The following MYO5B variants were observed in gnomAD, a reference collection of about 807,000 sequenced individuals.
MYO5B encodes unconventional myosin-Vb.
MYO5B carries 143 observed loss-of-function variants against 229.3 expected under a neutral mutation model. That is an observed-to-expected ratio of 0.62 (90% CI 0.54 to 0.72). The LOEUF (loss-of-function observed/expected upper bound fraction) is 0.72, where lower values mean the gene tolerates loss of function less well. Ranked by LOEUF, MYO5B falls within the 30% of genes least tolerant of loss-of-function variation. The pLI is 0.00. For synonymous variants in MYO5B, 918 were observed against 885.2 expected (o/e 1.04, Z -0.66); for missense variants, 2,321 against 2,331.0 (o/e 1.00, Z 0.09).
chr18:50,108,551 G>C lies in MYO5B; in HGVS notation c.28-53173C>G, dbSNP rs192516188. ...TGTACTGAAAATACCTGGGTACCCA[G>C]AGCAGAAACAGGCCAAGTTCTCCAG... On this transcript the variant is annotated intron_variant, in intron 1 of 39. Transcript: ENST00000285039. Among the ~76,000 whole-genome samples the C allele has an allele frequency of 1.4e-4, 22 of 152,292 alleles. No homozygotes were observed. In the East Asian group the frequency reaches 3.3e-3, roughly 23 times the overall value.
intron 1 of MYO5B, among the ~76,000 whole-genome samples, chr18:50,172,387 G>C (rs2032932440): frequency 6.6e-6 from 1 of 150,380 alleles, no homozygotes; most frequent in Admixed American, 6.6e-5. Flanking sequence ...GCCCAGATAA[G>C]AAAGTACACT....
rs8096121 is a variant in MYO5B, at chr18:50,015,464, A to G, written c.456-14053T>C. Among the ~76,000 whole-genome samples, 1,400 of 152,240 alleles carry G rather than the reference A, an allele frequency of 9.2e-3. 20 individuals carry two copies. The highest frequency in any genetic ancestry group is 0.032 in the African/African-American group (1,334 of 41,544). ...TAATTTTATTTCTTGAAATCTGACT[A>G]TTTTCAGTAATAGTTATAAGAAGTC... On this transcript the variant is annotated intron_variant, in intron 4 of 39. Transcript: ENST00000285039.
chr18:50,124,610 G>T (rs1424868053), intron 1 of MYO5B, among the ~76,000 whole-genome samples: 2 of 152,120 alleles, frequency 1.3e-5, no homozygotes, highest in African/African-American at 2.4e-5. Context: ...GAACCAGAAG[G>T]AAAGACATGT....
At chr18:49,908,949 A>G (rs1012910673) in intron 18 of MYO5B, among the ~76,000 whole-genome samples, 20 of 152,178 alleles carry the variant, frequency 1.3e-4, no homozygotes, top group African/African-American at 4.6e-4. Context: ...CAACCACAAC[A>G]ATTTATTAAA....
At chr18:50,088,034 T>C (rs966655839) in intron 1 of MYO5B, among the ~76,000 whole-genome samples, 1 of 151,984 alleles carries the variant, frequency 6.6e-6, no homozygotes. Flanking sequence ...GAGCAAAGCT[T>C]TGAAGGATGT....
chr18:49,873,257 C>T (rs2024476876), intron 26 of MYO5B, among the ~76,000 whole-genome samples: 1 of 152,234 alleles, frequency 6.6e-6, no homozygotes, highest in African/African-American at 2.4e-5. Context: ...AAATGGTTAA[C>T]TACTTGGAGT....
intron 1 of MYO5B, among the ~76,000 whole-genome samples, chr18:50,147,312 G>A (rs1365737280): frequency 1.3e-5 from 2 of 152,092 alleles, no homozygotes; most frequent in African/African-American, 2.4e-5. Flanking sequence ...GAGTCTGAAG[G>A]TCTTTCTGGA....
intron 5 of MYO5B, among the ~76,000 whole-genome samples, chr18:49,998,612 T>G (rs993742754): frequency 2.6e-5 from 4 of 152,216 alleles, no homozygotes; most frequent in African/African-American, 9.7e-5. Context: ...AGCAGCACTA[T>G]GCACAATACC....
At chr18:50,075,633 CTG>C (rs1599001230) in intron 1 of MYO5B, among the ~76,000 whole-genome samples, 2 of 152,188 alleles carry the variant, frequency 1.3e-5, no homozygotes, top group Non-Finnish European at 2.9e-5. Flanking sequence ...CAGTGCTACA[CTG>C]TGTTCCCCAA....
intron 14 of MYO5B, among the ~76,000 whole-genome samples, chr18:49,944,988 C>T (rs970976433): frequency 3.3e-5 from 5 of 152,174 alleles, no homozygotes; most frequent in Admixed American, 1.3e-4. Context: ...TTGATCCTAC[C>T]CGACCTCTTC....
intron 33 of MYO5B, among the ~76,000 whole-genome samples, chr18:49,845,431 C>G (rs776254810): frequency 2.0e-5 from 3 of 152,214 alleles, no homozygotes; most frequent in Admixed American, 2.0e-4. Flanking sequence ...TCAGCAGAGT[C>G]GGACTTCAGT....
chr18:50,105,236 TAAATAAATAAATAAAA>T (rs1313981351), intron 1 of MYO5B, among the ~76,000 whole-genome samples: 24 of 145,924 alleles, frequency 1.6e-4, no homozygotes, highest in African/African-American at 6.2e-4. Context: ...AATAAATAAA[TAAATAAATAAATAAAA>T]AATAGATAAA....
chr18:49,836,788 G>C lies in MYO5B; in HGVS notation c.5236C>G (p.Leu1746Val), dbSNP rs767619758. 1 of 1,614,086 alleles carries C rather than the reference G, an allele frequency of 6.2e-7. No homozygotes were observed. Among genetic ancestry groups the C allele is most frequent in the Non-Finnish European group, 8.5e-7 (1 of 1,180,034 alleles). ...TMEPLIQAAQ[L>V]LQLKKKTQED... ...TGGGTTTTCTTCTTTAATTGCAGGA[G>C]CTGGGCTGCTTGGATCAGAGGTTCC... Residue 1746 changes from leucine to valine, a missense_variant, in exon 38 of 40, where the codon CTC becomes GTC. Leu to Val is a conservative substitution (Grantham distance 32). Transcript: ENST00000285039.
At chr18:50,155,382 TA>T (rs1435425873) in intron 1 of MYO5B, among the ~76,000 whole-genome samples, 1 of 152,212 alleles carries the variant, frequency 6.6e-6, no homozygotes, top group Non-Finnish European at 1.5e-5. Context: ...GAATATGATT[TA>T]AAAGAACTAC....
At chr18:50,016,990 C>G (rs528638205) in intron 4 of MYO5B, among the ~76,000 whole-genome samples, 121 of 151,632 alleles carry the variant, frequency 8.0e-4, no homozygotes, top group African/African-American at 2.9e-3. Flanking sequence ...CTCCCCCAAT[C>G]TACCCTACCA....
At position 50,194,814 on chromosome 18, in the gene MYO5B, C is replaced by G. The variant is rs376156294; in HGVS notation, c.-21G>C. On this transcript the variant is annotated 5_prime_UTR_variant, in exon 1 of 40. Transcript: ENST00000285039. ...GACATGGCCCGGGCCGGGCGGGGCTCGGGCCCCGGCTCCTGGCTGCCCCGC... is the reference window on the plus strand; with the variant it reads ...GACATGGCCCGGGCCGGGCGGGGCTGGGGCCCCGGCTCCTGGCTGCCCCGC... The G allele has an allele frequency of 8.3e-6, 11 of 1,324,370 alleles. No homozygotes were observed. In the South Asian group the frequency reaches 1.0e-4, roughly 12 times the overall value. 82.0% of individuals were successfully genotyped at this position (1,324,370 alleles called of 1,614,324 possible).
intron 1 of MYO5B, among the ~76,000 whole-genome samples, chr18:50,084,918 A>T (rs1374092457): frequency 6.6e-6 from 1 of 152,186 alleles, no homozygotes; most frequent in African/African-American, 2.4e-5. Context: ...TTCATTCAAG[A>T]TGGATTAAAG....
At chr18:50,095,338 C>T (rs1213148663) in intron 1 of MYO5B, among the ~76,000 whole-genome samples, 1 of 152,146 alleles carries the variant, frequency 6.6e-6, no homozygotes, top group Non-Finnish European at 1.5e-5. Context: ...GATGTAATTC[C>T]CTGCATTTCC....
intron 1 of MYO5B, among the ~76,000 whole-genome samples, chr18:50,115,553 C>CAG (rs1568112670): frequency 3.0e-5 from 2 of 65,750 alleles, no homozygotes; most frequent in African/African-American, 1.3e-4. Flanking sequence ...GAGAGACACA[C>CAG]ACACACACAC....
Sources: allele counts gnomAD v4.1 joint callset (sites outside exome capture counted in the v4.1 genomes callset), GRCh38; gene constraint gnomAD v4.1.1; transcripts MANE v1.5; gene names NCBI Gene and HGNC (gene_info 2026-07-23, HGNC 2026-07-21).